Variants in SCOC observed in about 807,000 individuals in gnomAD.
The protein encoded by SCOC is short coiled coil protein.
SCOC carries 7 observed loss-of-function variants against 9.9 expected under a neutral mutation model. The observed-to-expected ratio is 0.71, with a 90% confidence interval of 0.40 to 1.33. The LOEUF is 1.33. SCOC is among the 40% of genes most tolerant of loss of function. SCOC has a pLI of 0.01. For synonymous variants in SCOC, 19 were observed against 28.2 expected (o/e 0.67, Z 1.03); for missense variants, 66 against 89.7 (o/e 0.74, Z 1.07).
chr4:140,364,806 G>C (rs1333582094), intron 2 of SCOC, among the ~76,000 whole-genome samples: 1 of 152,120 alleles, frequency 6.6e-6, no homozygotes, highest in African/African-American at 2.4e-5. Flanking sequence ...CAGTGCCTCT[G>C]GCCACCCAGA....
upstream of SCOC, among the ~76,000 whole-genome samples, chr4:140,371,632 C>T (rs1040669255): frequency 1.3e-5 from 2 of 152,198 alleles, no homozygotes; most frequent in Non-Finnish European, 2.9e-5. Flanking sequence ...TTATTGTATA[C>T]CAACTTCCAG....
At chr4:140,267,737 C>T (rs1327566323) in intron 1 of SCOC, among the ~76,000 whole-genome samples, 1 of 152,194 alleles carries the variant, frequency 6.6e-6, no homozygotes, top group African/African-American at 2.4e-5. Flanking sequence ...TCCCTTTCCT[C>T]TGCCCCGAGG....
At chr4:140,338,280 G>T (rs1354904681) in intron 1 of SCOC, among the ~76,000 whole-genome samples, 2 of 152,078 alleles carry the variant, frequency 1.3e-5, no homozygotes, top group East Asian at 3.9e-4. Flanking sequence ...AATAAATTAG[G>T]TATTGATGGG....
At chr4:140,284,851 T>C (rs1731186931) in intron 1 of SCOC, 1 of 170,996 alleles carries the variant, frequency 5.8e-6, no homozygotes, top group Admixed American at 6.0e-5. Context: ...TATTTCTGAA[T>C]AATGGAAATA....
chr4:140,359,777 G>C (rs563701926), intron 2 of SCOC, among the ~76,000 whole-genome samples: 13 of 152,148 alleles, frequency 8.5e-5, no homozygotes, highest in Non-Finnish European at 1.9e-4. Context: ...CCTCAGGGAT[G>C]GTCCTTCAGA....
At chr4:140,267,278 A>C (rs899457586) in intron 1 of SCOC, among the ~76,000 whole-genome samples, 1 of 152,158 alleles carries the variant, frequency 6.6e-6, no homozygotes, top group Non-Finnish European at 1.5e-5. Flanking sequence ...CGGAGCCTTC[A>C]TGAGAAAGGC....
At chr4:140,358,670 G>A (rs1403358925) in intron 2 of SCOC, among the ~76,000 whole-genome samples, 1 of 152,168 alleles carries the variant, frequency 6.6e-6, no homozygotes, top group Non-Finnish European at 1.5e-5. Context: ...ACACCCTTGG[G>A]AGAATTCAGA....
intron 1 of SCOC, chr4:140,314,380 C>G (rs1175637233): frequency 6.6e-6 from 1 of 152,658 alleles, no homozygotes; most frequent in Non-Finnish European, 1.5e-5. Flanking sequence ...TTGGATGAGC[C>G]CTTGGCGGTT....
intron 1 of SCOC, among the ~76,000 whole-genome samples, chr4:140,301,668 G>C (rs532749587): frequency 2.0e-5 from 3 of 152,172 alleles, no homozygotes; most frequent in African/African-American, 7.2e-5. Flanking sequence ...AAAATCAGAC[G>C]AGAGTCTGGG....
intron 1 of SCOC, among the ~76,000 whole-genome samples, chr4:140,263,071 G>C (rs1259891064): frequency 2.0e-5 from 3 of 152,180 alleles, no homozygotes; most frequent in African/African-American, 4.8e-5. Context: ...AATTTTCTTA[G>C]AGTAACTGTT....
rs1243824316 is a variant in SCOC, at chr4:140,384,571, T to C, written c.*3467T>C. 2 of 152,278 alleles carry C rather than the reference T, an allele frequency of 1.3e-5. No homozygotes were observed. Among genetic ancestry groups the C allele is most frequent in the Non-Finnish European group, 2.9e-5 (2 of 68,072 alleles). 9.4% of individuals were successfully genotyped at this position (152,278 alleles called of 1,614,324 possible). On this transcript the variant is annotated 3_prime_UTR_variant, in exon 4 of 4. Coordinates refer to ENST00000608372, the MANE Select transcript of SCOC (RefSeq NM_001153484.2). ...GTTTTCCATCCACTGACCTCATCAC[T>C]GCTCATTGACTATAAATCCTCAGTT...
intron 1 of SCOC, among the ~76,000 whole-genome samples, chr4:140,317,404 G>A (rs1233463222): frequency 6.6e-6 from 1 of 152,112 alleles, no homozygotes; most frequent in African/African-American, 2.4e-5. Flanking sequence ...GACATTGTAT[G>A]GAAAAGCATT....
chr4:140,364,690 A>T (rs1297388237), intron 2 of SCOC, among the ~76,000 whole-genome samples: 1 of 152,208 alleles, frequency 6.6e-6, no homozygotes, highest in Non-Finnish European at 1.5e-5. Flanking sequence ...GAAGGCCCAG[A>T]CAATGAGAAC....
At chr4:140,341,253 G>C (rs11737596), upstream of SCOC, among the ~76,000 whole-genome samples, 126,359 of 152,162 alleles carry the variant, frequency 0.83, 52,524 homozygotes, top group African/African-American at 0.85. Flanking sequence ...ATGCATTAAA[G>C]CAAATACACC....
chr4:140,341,204 A>G (rs575562204), upstream of SCOC, among the ~76,000 whole-genome samples: 2 of 152,334 alleles, frequency 1.3e-5, no homozygotes, highest in Admixed American at 1.3e-4. Context: ...CTATCAAAAC[A>G]TAAAGTTGGT....
intron 1 of SCOC, among the ~76,000 whole-genome samples, chr4:140,330,458 A>G (rs1732786387): frequency 6.6e-6 from 1 of 152,214 alleles, no homozygotes; most frequent in South Asian, 2.1e-4. Flanking sequence ...AAAATGCTGA[A>G]GCTTTTTGTT....
At chr4:140,312,215 G>C (rs2126468839) in intron 1 of SCOC, among the ~76,000 whole-genome samples, 1 of 152,224 alleles carries the variant, frequency 6.6e-6, no homozygotes. Flanking sequence ...CCTCAGTGGA[G>C]GCATTTCTAA....
At chr4:140,286,284 T>A (rs1183918197) in intron 1 of SCOC, among the ~76,000 whole-genome samples, 1 of 150,748 alleles carries the variant, frequency 6.6e-6, no homozygotes, top group Non-Finnish European at 1.5e-5. Context: ...TGATAAATGG[T>A]AGTTATTACC....
At chr4:140,303,948 G>C (rs185719453) in intron 1 of SCOC, among the ~76,000 whole-genome samples, 90 of 152,288 alleles carry the variant, frequency 5.9e-4, no homozygotes, top group Non-Finnish European at 1.1e-3. Context: ...AATTCTAATG[G>C]AAAGTTTATT....
Sources: allele counts gnomAD v4.1 joint callset (sites outside exome capture counted in the v4.1 genomes callset), GRCh38; gene constraint gnomAD v4.1.1; transcripts MANE v1.5; gene names NCBI Gene and HGNC (gene_info 2026-07-23, HGNC 2026-07-21).